Variants in ST8SIA6 observed in about 807,000 individuals in gnomAD.
The protein encoded by ST8SIA6 is ST8 alpha-N-acetyl-neuraminide alpha-2,8-sialyltransferase 6.
A neutral mutation model predicts 33.6 loss-of-function variants in ST8SIA6; 39 were observed. That is an observed-to-expected ratio of 1.16 (90% CI 0.90 to 1.52). ST8SIA6 has a LOEUF of 1.52. Ranked by LOEUF, ST8SIA6 falls within the 40% of genes most tolerant of loss-of-function variation. ST8SIA6 has a pLI of 0.00. For synonymous variants in ST8SIA6, 172 were observed against 167.2 expected, an observed-to-expected ratio of 1.03 and a Z score of -0.22; for missense variants, 441 against 443.8, an observed-to-expected ratio of 0.99 and a Z score of 0.06.
At chr10:17,368,871 G>C (rs1849645721) in intron 3 of ST8SIA6, among the ~76,000 whole-genome samples, 1 of 152,114 alleles carries the variant, frequency 6.6e-6, no homozygotes, top group Non-Finnish European at 1.5e-5. Context: ...CAGTCATGAA[G>C]GTGGCAGGAG....
chr10:17,387,521 C>CCT (rs1341052861), intron 3 of ST8SIA6, among the ~76,000 whole-genome samples: 4 of 151,812 alleles, frequency 2.6e-5, no homozygotes, highest in Non-Finnish European at 4.4e-5. Context: ...CCCGCCTCAG[C>CCT]CTCCCAAAGT....
intron 4 of ST8SIA6, among the ~76,000 whole-genome samples, chr10:17,335,573 T>C (rs573533266): frequency 3.0e-4 from 46 of 152,300 alleles, no homozygotes; most frequent in Non-Finnish European, 5.1e-4. Flanking sequence ...CCTTCTTAAT[T>C]GGATTCTGTC....
chr10:17,379,001 C>T (rs1358645143), intron 3 of ST8SIA6, among the ~76,000 whole-genome samples: 1 of 152,050 alleles, frequency 6.6e-6, no homozygotes, highest in East Asian at 1.9e-4. Context: ...TGGCAGGCGC[C>T]TGTAGTCCCA....
chr10:17,447,038 AAAAG>A (rs1291824561), intron 2 of ST8SIA6, among the ~76,000 whole-genome samples: 24 of 151,772 alleles, frequency 1.6e-4, no homozygotes, highest in African/African-American at 5.5e-4. Flanking sequence ...AAAAAAAAAA[AAAAG>A]AAAAAGAGAA....
intron 6 of ST8SIA6, among the ~76,000 whole-genome samples, chr10:17,325,677 A>T (rs902029577): frequency 2.0e-5 from 3 of 152,096 alleles, no homozygotes; most frequent in African/African-American, 7.2e-5. Flanking sequence ...AGGCTTAAAA[A>T]ATTAAGTATA....
chr10:17,325,096 T>C (rs1226570581), intron 6 of ST8SIA6, among the ~76,000 whole-genome samples: 1 of 141,536 alleles, frequency 7.1e-6, no homozygotes. Flanking sequence ...TACTGTTATA[T>C]AATTTTATAC....
At chr10:17,395,997 G>A (rs1276546017) in intron 2 of ST8SIA6, among the ~76,000 whole-genome samples, 2 of 152,184 alleles carry the variant, frequency 1.3e-5, no homozygotes, top group African/African-American at 4.8e-5. Flanking sequence ...GAGAGACCAT[G>A]GCGACCCTCA....
chr10:17,444,963 A>G (rs1343094813), intron 2 of ST8SIA6, among the ~76,000 whole-genome samples: 1 of 152,244 alleles, frequency 6.6e-6, no homozygotes, highest in African/African-American at 2.4e-5. Context: ...TTAAAATCAG[A>G]ACACATATTC....
At chr10:17,330,401 A>G (rs895564398) in intron 5 of ST8SIA6, among the ~76,000 whole-genome samples, 3 of 152,106 alleles carry the variant, frequency 2.0e-5, no homozygotes, top group Non-Finnish European at 4.4e-5. Context: ...CATCTTTTCA[A>G]TCACTGGTCA....
At chr10:17,335,502 A>G (rs1043234247) in intron 4 of ST8SIA6, among the ~76,000 whole-genome samples, 8 of 152,222 alleles carry the variant, frequency 5.3e-5, no homozygotes, top group Non-Finnish European at 1.0e-4. Flanking sequence ...CTCAAAGTTA[A>G]GGTTTTTAAA....
chr10:17,351,309 T>G (rs768029956), intron 4 of ST8SIA6, among the ~76,000 whole-genome samples: 4 of 151,680 alleles, frequency 2.6e-5, no homozygotes, highest in Non-Finnish European at 5.9e-5. Context: ...CATTTACTAG[T>G]GATGACACCT....
intron 4 of ST8SIA6, among the ~76,000 whole-genome samples, chr10:17,344,914 G>A (rs1267676835): frequency 6.6e-6 from 1 of 152,128 alleles, no homozygotes; most frequent in Non-Finnish European, 1.5e-5. Context: ...AAGAAAGATA[G>A]GATATCTTTT....
intron 4 of ST8SIA6, among the ~76,000 whole-genome samples, chr10:17,343,498 G>A (rs1259143315): frequency 1.3e-5 from 2 of 152,176 alleles, no homozygotes; most frequent in Non-Finnish European, 2.9e-5. Context: ...CAGAAGAGAG[G>A]TGGAGAGGTT....
At position 17,327,022 on chromosome 10, in the gene ST8SIA6, G is replaced by A. The variant is rs766183198; in HGVS notation, c.627C>T (p.Phe209=). Residue 209 remains phenylalanine (F), a synonymous_variant, in exon 6 of 8, where the codon TTC becomes TTT. Coordinates refer to ENST00000377602, the MANE Select transcript of ST8SIA6 (RefSeq NM_001004470.3). ...AATTTGTCAGGTCTTACCTAAAAAC[G>A]AAGTCGGATTTATCTATTTCAGTTC... ...LCGTEIDKSD[F]VFRCNLPPTT... 7.5e-6 allele frequency: 12 copies of A among 1,594,280 alleles called. No individual in the cohort carries two copies. The Admixed American group carries it at 8.9e-5, about 12-fold the overall frequency.
rs537443256 is a variant in ST8SIA6 at position 17,398,153 on chromosome 10, C to T, written c.201-7533G>A. Among the ~76,000 whole-genome samples, 10 of 152,080 alleles carry T rather than the reference C, an allele frequency of 6.6e-5. No homozygotes were observed. The South Asian group carries it at 2.1e-3, about 32-fold the overall frequency. On this transcript the variant is annotated intron_variant, in intron 2 of 7. Coordinates refer to ENST00000377602, the MANE Select transcript of ST8SIA6 (RefSeq NM_001004470.3). Reference sequence around the variant, plus strand: ...CCCAGGCTTGTCAACATGGTGAAACCCCGTCTCTACTAAAAATACAAAAAT... The same window carrying T: ...CCCAGGCTTGTCAACATGGTGAAACTCCGTCTCTACTAAAAATACAAAAAT...
intron 2 of ST8SIA6, among the ~76,000 whole-genome samples, chr10:17,436,782 T>G (rs1852276668): frequency 6.6e-6 from 1 of 151,980 alleles, no homozygotes; most frequent in Non-Finnish European, 1.5e-5. Flanking sequence ...TTGTTGGACA[T>G]TTGGGTTGGT....
At chr10:17,411,155 C>T (rs1260264050) in intron 2 of ST8SIA6, among the ~76,000 whole-genome samples, 1 of 151,012 alleles carries the variant, frequency 6.6e-6, no homozygotes, top group Non-Finnish European at 1.5e-5. Context: ...TAACCCTACC[C>T]AACAGACTTG....
chr10:17,333,711 A>ATTTTTT (rs1564405095), intron 4 of ST8SIA6, among the ~76,000 whole-genome samples: 2 of 24,370 alleles, frequency 8.2e-5, no homozygotes, highest in African/African-American at 4.7e-4. Context: ...ATATATATAT[A>ATTTTTT]TATATATTTT....
In ST8SIA6 at chr10:17,399,771, A is replaced by T. The variant is rs1374126285; in HGVS notation, c.201-9151T>A. On this transcript the variant is annotated intron_variant, in intron 2 of 7. Transcript: ENST00000377602. ...TGTCTCTATATACAATTTAAAAATT[A>T]GCCAGATGTGGTGGTGTGTGCCTGT... Among the ~76,000 whole-genome samples the T allele has an allele frequency of 2.0e-5, 3 of 152,134 alleles. No individual in the cohort carries two copies. The East Asian group carries it at 5.8e-4, about 30-fold the overall frequency.
Sources: gnomAD v4.1 joint callset for allele counts (sites outside exome capture counted in the v4.1 genomes callset) on GRCh38, gnomAD v4.1.1 for gene constraint, MANE v1.5 for transcripts, NCBI Gene and HGNC (gene_info 2026-07-23, HGNC 2026-07-21) for gene names.